WDFY3: variants seen among roughly 807,000 people sequenced by gnomAD.
The protein encoded by WDFY3 is WD repeat and FYVE domain containing 3, also known as WD repeat and FYVE domain-containing protein 3.
A neutral mutation model predicts 409.6 loss-of-function variants in WDFY3; 66 were observed. The ratio of observed to expected loss-of-function variants is 0.16; its 90% confidence interval spans 0.13 to 0.20. The LOEUF is 0.20. WDFY3 is among the 10% of genes least tolerant of loss of function. The pLI, the probability that WDFY3 is intolerant of heterozygous loss-of-function variation, is 1.00. For missense variants in WDFY3, 3,031 were observed against 4,298.1 expected, an observed-to-expected ratio of 0.71 and a Z score of 8.24; for synonymous variants, 1,521 against 1,537.1, an observed-to-expected ratio of 0.99 and a Z score of 0.25.
chr4:84,928,199 A>G (rs889232914), intron 2 of WDFY3, among the ~76,000 whole-genome samples: 1 of 152,144 alleles, frequency 6.6e-6, no homozygotes, highest in Non-Finnish European at 1.5e-5. Flanking sequence ...TGAACATCAG[A>G]GCTCTTTGTT....
At chr4:84,907,236 TC>T (rs1767160388) in intron 2 of WDFY3, among the ~76,000 whole-genome samples, 1 of 152,118 alleles carries the variant, frequency 6.6e-6, no homozygotes, top group Admixed American at 6.6e-5. Flanking sequence ...GTCTAATTAA[TC>T]CCCTCTTAAT....
chr4:84,927,383 A>T (rs979961074), intron 2 of WDFY3, among the ~76,000 whole-genome samples: 1 of 152,148 alleles, frequency 6.6e-6, no homozygotes, highest in Non-Finnish European at 1.5e-5. Flanking sequence ...CAACTAGGTC[A>T]AATTTCACTT....
intron 1 of WDFY3, among the ~76,000 whole-genome samples, chr4:84,948,142 C>T (rs1346398772): frequency 2.0e-5 from 3 of 152,140 alleles, no homozygotes; most frequent in Non-Finnish European, 2.9e-5. Context: ...CATAATCATG[C>T]ATTTTCCTTG....
intron 51 of WDFY3, 112 bp downstream of exon 51, chr4:84,713,047 T>C (rs1395071770): frequency 4.4e-6 from 5 of 1,140,084 alleles, no homozygotes; most frequent in East Asian, 2.4e-5. Context: ...TTAAAAAAAT[T>C]TGCAACCACC....
chr4:84,679,863 C>CGT (rs1727047546), intron 64 of WDFY3, among the ~76,000 whole-genome samples: 2 of 150,848 alleles, frequency 1.3e-5, no homozygotes, highest in Admixed American at 6.6e-5. Flanking sequence ...CACACACACA[C>CGT]ACGTACGTGT....
intron 26 of WDFY3, among the ~76,000 whole-genome samples, chr4:84,779,042 T>A (rs1746048827): frequency 6.6e-6 from 1 of 152,156 alleles, no homozygotes. Context: ...ATACACTTTT[T>A]GTGTTATAAA....
In WDFY3 at chr4:84,682,565, G is replaced by C. The variant is rs1013697419; in HGVS notation, c.9727-95C>G. 5.0e-6 allele frequency: 5 copies of C among 993,916 alleles called. No homozygotes were observed. In the African/African-American group the frequency reaches 8.2e-5, roughly 16 times the overall value. The allele number at this position is 993,916 out of a possible 1,614,324, so 61.6% of individuals were successfully genotyped here. On this transcript the variant is annotated intron_variant, in intron 63 of 67. Coordinates refer to ENST00000295888, the MANE Select transcript of WDFY3 (RefSeq NM_014991.6). ...TGAAGAGAGACTGTCAGGGTTAACA[G>C]ATAACTTAATTTCCATCATGTTATA...
At chr4:84,899,199 C>A (rs1229804126) in intron 2 of WDFY3, among the ~76,000 whole-genome samples, 1 of 152,026 alleles carries the variant, frequency 6.6e-6, no homozygotes, top group Non-Finnish European at 1.5e-5. Flanking sequence ...CTAATTCAAA[C>A]AAAAATTACT....
chr4:84,921,337 A>G, intron 2 of WDFY3, among the ~76,000 whole-genome samples: 1 of 152,084 alleles, frequency 6.6e-6, no homozygotes, highest in Non-Finnish European at 1.5e-5. Context: ...GAAGGGAAGG[A>G]AAATAAATGG....
At chr4:84,759,627 A>T (rs1323347947) in intron 32 of WDFY3, among the ~76,000 whole-genome samples, 1 of 148,758 alleles carries the variant, frequency 6.7e-6, no homozygotes, top group Non-Finnish European at 1.5e-5. Flanking sequence ...GTGTATAAGA[A>T]TGCTTGTGAT....
chr4:84,775,054 T>C lies in WDFY3; in HGVS notation c.4592+11A>G. 1 of 1,613,652 alleles carries C rather than the reference T, an allele frequency of 6.2e-7. No homozygotes were observed. The highest frequency in any genetic ancestry group is 8.5e-7 in the Non-Finnish European group (1 of 1,179,788). ...AGCTGAATAATTAACTACGTGGGTA[T>C]TAATTAATACCTGGACTCTGTGAGC... On this transcript the variant is annotated intron_variant, in intron 28 of 67. Transcript: ENST00000295888.
chr4:84,896,254 CAAAAAATAAAGTAAAAT>C (rs1765622414), intron 3 of WDFY3, among the ~76,000 whole-genome samples: 1 of 151,208 alleles, frequency 6.6e-6, no homozygotes, highest in Non-Finnish European at 1.5e-5. Flanking sequence ...CACTACATCT[CAAAAAATAAAGTAAAAT>C]AAAAAATAAA....
At chr4:84,830,640 C>A (rs1215838403) in intron 8 of WDFY3, among the ~76,000 whole-genome samples, 1 of 152,100 alleles carries the variant, frequency 6.6e-6, no homozygotes, top group Non-Finnish European at 1.5e-5. Context: ...TAAAAGATAG[C>A]TGAATATTAC....
At chr4:84,919,912 AC>A (rs1031133355) in intron 2 of WDFY3, among the ~76,000 whole-genome samples, 1 of 152,216 alleles carries the variant, frequency 6.6e-6, no homozygotes, top group Admixed American at 6.6e-5. Context: ...AATTTCCATC[AC>A]AAATGAACGG....
At chr4:84,912,698 A>C (rs1373397939) in intron 2 of WDFY3, among the ~76,000 whole-genome samples, 2 of 152,182 alleles carry the variant, frequency 1.3e-5, no homozygotes, top group Non-Finnish European at 2.9e-5. Flanking sequence ...CTGAGGATAA[A>C]GTACATCTGC....
chr4:84,900,464 G>C (rs138251937), intron 2 of WDFY3, among the ~76,000 whole-genome samples: 2 of 152,100 alleles, frequency 1.3e-5, no homozygotes, highest in Non-Finnish European at 2.9e-5. Context: ...GGCCTCAAGC[G>C]ATCCTCCAAA....
Position 84,966,448 on chromosome 4 carries a change from G to T in WDFY3, c.-465C>A. On this transcript the variant is annotated 5_prime_UTR_variant, in exon 1 of 68. Coordinates refer to ENST00000295888, the MANE Select transcript of WDFY3 (RefSeq NM_014991.6). The stretch of plus-strand genomic sequence containing the variant: ...AGCGGTGCTAGGCAGCAGGGGCAGC[G>T]ACGCCGCCGCCTTTCCCTTCTCCTG... 1 of 154,572 alleles carries T rather than the reference G, an allele frequency of 6.5e-6. No individual in the cohort carries two copies. The highest frequency in any genetic ancestry group is 1.9e-4 in the South Asian group (1 of 5,358). The allele number at this position is 154,572 out of a possible 1,614,324, so 9.6% of individuals were successfully genotyped here.
intron 25 of WDFY3, among the ~76,000 whole-genome samples, chr4:84,782,100 C>A (rs185800555): frequency 6.6e-6 from 1 of 152,082 alleles, no homozygotes; most frequent in Admixed American, 6.6e-5. Context: ...ACAAAAATAA[C>A]GTTTTAAGCA....
At chr4:84,884,266 T>G (rs564921989) in intron 3 of WDFY3, among the ~76,000 whole-genome samples, 1 of 152,290 alleles carries the variant, frequency 6.6e-6, no homozygotes, top group South Asian at 2.1e-4. Context: ...AACTTGTTTT[T>G]TAAAGCAACC....
Sources: gnomAD v4.1 joint callset for allele counts (sites outside exome capture counted in the v4.1 genomes callset) on GRCh38, gnomAD v4.1.1 for gene constraint, MANE v1.5 for transcripts, NCBI Gene and HGNC (gene_info 2026-07-23, HGNC 2026-07-21) for gene names.